F13A1: variants seen among roughly 807,000 people sequenced by gnomAD.
F13A1 encodes the protein FSF, A subunit.
A neutral mutation model predicts 80.1 loss-of-function variants in F13A1; 47 were observed. That is an observed-to-expected ratio of 0.59 (90% CI 0.46 to 0.75). The LOEUF is 0.75. Ranked by LOEUF, F13A1 falls within the 30% of genes least tolerant of loss-of-function variation. The pLI, the probability that F13A1 is intolerant of heterozygous loss-of-function variation, is 0.00. For synonymous variants in F13A1, 349 were observed against 344.9 expected (o/e 1.01, Z -0.13); for missense variants, 817 against 930.4 (o/e 0.88, Z 1.59).
At chr6:6,257,445 G>C (rs1757717887) in intron 4 of F13A1, among the ~76,000 whole-genome samples, 1 of 152,110 alleles carries the variant, frequency 6.6e-6, no homozygotes, top group Admixed American at 6.5e-5. Context: ...TAGTAACACT[G>C]GAATGGAATC....
chr6:6,203,960 T>G (rs1328735239), intron 8 of F13A1, among the ~76,000 whole-genome samples: 1 of 152,154 alleles, frequency 6.6e-6, no homozygotes, highest in African/African-American at 2.4e-5. Flanking sequence ...ATTTATTTAT[T>G]TATGTATTTA....
intron 13 of F13A1, among the ~76,000 whole-genome samples, chr6:6,154,312 T>C (rs1760437207): frequency 6.6e-6 from 1 of 152,198 alleles, no homozygotes; most frequent in African/African-American, 2.4e-5. Context: ...AAGTTACTTT[T>C]AGGCTGGCTG....
At chr6:6,270,486 G>A (rs1027590323) in intron 3 of F13A1, among the ~76,000 whole-genome samples, 4 of 152,198 alleles carry the variant, frequency 2.6e-5, no homozygotes, top group African/African-American at 9.6e-5. Context: ...TGCAAAAGTT[G>A]TTTAGAGTTG....
At chr6:6,161,007 G>T (rs1007951209) in intron 13 of F13A1, among the ~76,000 whole-genome samples, 4 of 152,138 alleles carry the variant, frequency 2.6e-5, no homozygotes, top group Non-Finnish European at 5.9e-5. Context: ...CTGACATCCT[G>T]CAAAGGCTGC....
intron 12 of F13A1, among the ~76,000 whole-genome samples, chr6:6,167,885 A>G (rs927580145): frequency 2.6e-5 from 4 of 152,236 alleles, no homozygotes; most frequent in African/African-American, 9.6e-5. Flanking sequence ...CTGTTGTAAA[A>G]GAAATGCCAT....
At chr6:6,148,424 C>G (rs1385520031) in intron 14 of F13A1, among the ~76,000 whole-genome samples, 1 of 152,174 alleles carries the variant, frequency 6.6e-6, no homozygotes, top group Non-Finnish European at 1.5e-5. Flanking sequence ...GCCTTCTAGA[C>G]ACCACATCTG....
Position 6,247,874 on chromosome 6 carries a change from G to A in F13A1, c.798+438C>T, listed in dbSNP as rs1396105665. ...GACACATCCTTGTGACAGGAGTTAG[G>A]ATGAGATGTAGCCATTCATTTCTTC... is the stretch of plus-strand genomic sequence containing the variant. On this transcript the variant is annotated intron_variant, in intron 6 of 14. Coordinates refer to ENST00000264870, the MANE Select transcript of F13A1 (RefSeq NM_000129.4). Among the ~76,000 whole-genome samples, 4 of 152,214 alleles carry A rather than the reference G, an allele frequency of 2.6e-5. No homozygotes were observed. In the South Asian group the frequency reaches 8.3e-4, roughly 31 times the overall value.
intron 11 of F13A1, 91 bp from the exon 12 acceptor site, chr6:6,174,958 G>T (rs1289215917): frequency 2.0e-6 from 3 of 1,484,616 alleles, no homozygotes; most frequent in African/African-American, 1.4e-5. Context: ...TGCACTTGTT[G>T]GGGTGTTTCT....
intron 13 of F13A1, among the ~76,000 whole-genome samples, chr6:6,163,857 A>G (rs1311250833): frequency 6.6e-6 from 1 of 152,208 alleles, no homozygotes. Context: ...GTCAAATGGT[A>G]GTTCTGTGTT....
At chr6:6,213,073 G>A (rs1388664985) in intron 8 of F13A1, among the ~76,000 whole-genome samples, 49 of 152,270 alleles carry the variant, frequency 3.2e-4, no homozygotes, top group East Asian at 7.7e-4. Flanking sequence ...TGAAAGTGAC[G>A]GGGAGAATGG....
chr6:6,148,496 G>C (rs1167744420), intron 14 of F13A1, among the ~76,000 whole-genome samples: 2 of 152,178 alleles, frequency 1.3e-5, no homozygotes, highest in Non-Finnish European at 2.9e-5. Flanking sequence ...CTGTATTCTA[G>C]AAAGAAATAC....
In F13A1 at chr6:6,213,046, C is replaced by T. The variant is rs545100705; in HGVS notation, c.1112+8987G>A. ...GGACTATGTGAAAAGACCAAATCTA[C>T]GTCTGATTGGTGTACCTGAAAGTGA... On this transcript the variant is annotated intron_variant, in intron 8 of 14. Coordinates refer to ENST00000264870, the MANE Select transcript of F13A1 (RefSeq NM_000129.4). Among the ~76,000 whole-genome samples the T allele has an allele frequency of 8.6e-3, 1,309 of 152,250 alleles. 26 individuals are homozygous for T. Among genetic ancestry groups the T allele is most frequent in the African/African-American group, 0.03 (1,260 of 41,530 alleles).
chr6:6,300,709 G>A (rs945493544), intron 3 of F13A1, among the ~76,000 whole-genome samples: 5 of 151,948 alleles, frequency 3.3e-5, no homozygotes, highest in Admixed American at 1.3e-4. Context: ...CTTCTGGGTC[G>A]CTCAGGCTGG....
intron 3 of F13A1, among the ~76,000 whole-genome samples, chr6:6,301,265 T>C (rs9504748): frequency 0.17 from 26,393 of 152,172 alleles, 5,700 homozygotes; most frequent in African/African-American, 0.51. Flanking sequence ...TCCTGAATGA[T>C]GTGAGATGCA....
At chr6:6,296,719 C>G (rs903768019) in intron 3 of F13A1, among the ~76,000 whole-genome samples, 17 of 146,504 alleles carry the variant, frequency 1.2e-4, no homozygotes, top group Admixed American at 1.1e-3. Flanking sequence ...TCCTCTTCTC[C>G]TAATTGAATA....
chr6:6,255,979 T>C (rs1757697652), intron 4 of F13A1, among the ~76,000 whole-genome samples: 1 of 152,122 alleles, frequency 6.6e-6, no homozygotes, highest in South Asian at 2.1e-4. Flanking sequence ...CTCCCTATGT[T>C]TGGAAGGCTA....
intron 8 of F13A1, among the ~76,000 whole-genome samples, chr6:6,221,399 T>C (rs1005352479): frequency 2.6e-5 from 4 of 152,166 alleles, no homozygotes; most frequent in Admixed American, 2.6e-4. Context: ...AAGGTGACAA[T>C]ATAATCAAGG....
chr6:6,262,406 G>A (rs1185907091), intron 4 of F13A1, among the ~76,000 whole-genome samples: 2 of 152,224 alleles, frequency 1.3e-5, no homozygotes, highest in Middle Eastern at 3.2e-3. Flanking sequence ...TGAAGGTGAC[G>A]GTCAAGTTTC....
At chr6:6,150,053 G>T (rs899542263) in intron 14 of F13A1, among the ~76,000 whole-genome samples, 1 of 152,206 alleles carries the variant, frequency 6.6e-6, no homozygotes, top group Non-Finnish European at 1.5e-5. Context: ...AAGACACACA[G>T]TGTCTTTTTT....
Sources: allele counts gnomAD v4.1 joint callset (sites outside exome capture counted in the v4.1 genomes callset), GRCh38; gene constraint gnomAD v4.1.1; transcripts MANE v1.5; gene names NCBI Gene and HGNC (gene_info 2026-07-23, HGNC 2026-07-21).